MAGI2: variants seen among roughly 807,000 people sequenced by gnomAD.
The protein encoded by MAGI2 is membrane-associated guanylate kinase, WW and PDZ domain-containing protein 2.
Under a neutral mutation model 133.3 loss-of-function variants are expected in MAGI2, and 35 were observed. That is an observed-to-expected ratio of 0.26 (90% CI 0.20 to 0.35). The LOEUF (loss-of-function observed/expected upper bound fraction) is 0.35. MAGI2 is among the 10% of genes least tolerant of loss of function. The probability of loss-of-function intolerance (pLI) is 1.00; values close to 1 mark genes in which losing one functional copy is unlikely to be tolerated. For synonymous variants in MAGI2, 729 were observed against 710.6 expected, an observed-to-expected ratio of 1.03 and a Z score of -0.41; for missense variants, 1,636 against 1,863.4, an observed-to-expected ratio of 0.88 and a Z score of 2.25.
intron 6 of MAGI2, among the ~76,000 whole-genome samples, chr7:78,447,168 TTTTA>T (rs1429415274): frequency 6.6e-6 from 1 of 152,104 alleles, no homozygotes; most frequent in African/African-American, 2.4e-5. Flanking sequence ...ATGGATTTGT[TTTTA>T]TTTATTTACT....
At chr7:78,700,296 T>A (rs1440305809) in intron 2 of MAGI2, among the ~76,000 whole-genome samples, 1 of 152,154 alleles carries the variant, frequency 6.6e-6, no homozygotes, top group Non-Finnish European at 1.5e-5. Flanking sequence ...ATTGGAATTG[T>A]TATGAAACAT....
At chr7:78,666,991 T>G (rs1489086744) in intron 2 of MAGI2, among the ~76,000 whole-genome samples, 4 of 152,196 alleles carry the variant, frequency 2.6e-5, no homozygotes, top group Non-Finnish European at 5.9e-5. Flanking sequence ...GACTATATTT[T>G]AACTCATTGC....
At chr7:79,187,767 T>C (rs187832348) in intron 1 of MAGI2, among the ~76,000 whole-genome samples, 12 of 152,042 alleles carry the variant, frequency 7.9e-5, no homozygotes, top group Admixed American at 7.9e-4. Flanking sequence ...TGCATGGTTG[T>C]GTTTCACAGA....
At chr7:78,909,338 A>C (rs1301432946) in intron 2 of MAGI2, among the ~76,000 whole-genome samples, 1 of 151,682 alleles carries the variant, frequency 6.6e-6, no homozygotes, top group Non-Finnish European at 1.5e-5. Context: ...TCACGCCTGT[A>C]ATCCCAGCAC....
chr7:78,539,177 G>A (rs751339623), intron 3 of MAGI2, among the ~76,000 whole-genome samples: 4 of 152,168 alleles, frequency 2.6e-5, no homozygotes, highest in Non-Finnish European at 4.4e-5. Flanking sequence ...TTTATTACAA[G>A]GTATGTCCCT....
At chr7:78,241,251 C>A (rs1167279750) in intron 10 of MAGI2, among the ~76,000 whole-genome samples, 1 of 152,058 alleles carries the variant, frequency 6.6e-6, no homozygotes, top group Non-Finnish European at 1.5e-5. Context: ...TATAAAAACT[C>A]GCTACAATTA....
intron 1 of MAGI2, chr7:79,409,878 A>G (rs1846037743): frequency 6.6e-6 from 1 of 152,192 alleles, no homozygotes. Flanking sequence ...AAAGGATAAC[A>G]TTTCCAATAA....
chr7:78,389,360 T>A (rs901046507), intron 6 of MAGI2, among the ~76,000 whole-genome samples: 7 of 152,170 alleles, frequency 4.6e-5, no homozygotes, highest in Admixed American at 2.6e-4. Flanking sequence ...GGACTGCTAT[T>A]GAGTTCTGAA....
intron 1 of MAGI2, among the ~76,000 whole-genome samples, chr7:79,374,497 A>G (rs1229581854): frequency 6.6e-6 from 1 of 151,970 alleles, no homozygotes; most frequent in Non-Finnish European, 1.5e-5. Flanking sequence ...TTGCTTTTGG[A>G]CTTCTAGTCT....
chr7:78,824,155 T>A lies in MAGI2; in HGVS notation c.418+182935A>T, dbSNP rs543621062. The stretch of plus-strand genomic sequence containing the variant: ...TGTTACATATCTCTCTTAATGATGA[T>A]TGTGTAAATAAATATAAAACAACAC... On this transcript the variant is annotated intron_variant, in intron 2 of 21. Transcript: ENST00000354212. 2.0e-5 allele frequency among the ~76,000 whole-genome samples: 3 copies of A among 152,330 alleles called. No individual in the cohort carries two copies. In the South Asian group the frequency reaches 6.2e-4, roughly 32 times the overall value.
chr7:79,049,281 T>C (rs1244709488), intron 1 of MAGI2, among the ~76,000 whole-genome samples: 4 of 152,130 alleles, frequency 2.6e-5, no homozygotes, highest in Non-Finnish European at 5.9e-5. Flanking sequence ...TAAGACTTTT[T>C]TTTCCCCCTG....
chr7:79,118,061 G>A (rs926974224), intron 1 of MAGI2, among the ~76,000 whole-genome samples: 2 of 152,096 alleles, frequency 1.3e-5, no homozygotes, highest in Non-Finnish European at 2.9e-5. Flanking sequence ...TATTAAATGC[G>A]ATGCAAGTCC....
intron 6 of MAGI2, among the ~76,000 whole-genome samples, chr7:78,426,051 G>C (rs529836523): frequency 9.9e-5 from 15 of 152,204 alleles, no homozygotes; most frequent in Admixed American, 5.2e-4. Context: ...GAGCAGATGA[G>C]GACTTTAAAG....
At chr7:78,182,794 C>T (rs537625770) in intron 13 of MAGI2, among the ~76,000 whole-genome samples, 31 of 152,322 alleles carry the variant, frequency 2.0e-4, no homozygotes, top group Admixed American at 9.1e-4. Flanking sequence ...CTTTGGAAGT[C>T]GTTTCTGTGA....
rs531774587 is a variant in MAGI2 at position 79,003,140 on chromosome 7, A to G, written c.418+3950T>C. ...CAGGCTTCCTACCAAGGAGAGTGCA[A>G]GGACCAACTTGTCCACAACTAGATT... On this transcript the variant is annotated intron_variant, in intron 2 of 21. Transcript: ENST00000354212. 2.0e-5 allele frequency among the ~76,000 whole-genome samples: 3 copies of G among 152,082 alleles called. No homozygotes were observed. In the South Asian group the frequency reaches 6.2e-4, roughly 32 times the overall value.
chr7:79,018,252 TAAAG>T (rs1808936282), intron 1 of MAGI2, among the ~76,000 whole-genome samples: 1 of 151,970 alleles, frequency 6.6e-6, no homozygotes, highest in Admixed American at 6.6e-5. Flanking sequence ...TCAGCATTCT[TAAAG>T]AAAAGAATTT....
intron 6 of MAGI2, among the ~76,000 whole-genome samples, chr7:78,438,147 G>A (rs909312371): frequency 2.0e-5 from 3 of 152,104 alleles, no homozygotes; most frequent in East Asian, 1.9e-4. Context: ...CCACTGAAAC[G>A]TTTTTGAGAC....
chr7:79,263,803 A>T (rs192810690), intron 1 of MAGI2, among the ~76,000 whole-genome samples: 40 of 152,318 alleles, frequency 2.6e-4, no homozygotes, highest in African/African-American at 8.4e-4. Flanking sequence ...ACAAATAAAA[A>T]TTAATTGTAT....
intron 6 of MAGI2, among the ~76,000 whole-genome samples, chr7:78,479,174 A>G (rs1792097720): frequency 2.0e-5 from 3 of 151,904 alleles, no homozygotes; most frequent in African/African-American, 7.2e-5. Context: ...CAATCAATAC[A>G]ATTTCACAGT....
Sources: allele counts gnomAD v4.1 joint callset (sites outside exome capture counted in the v4.1 genomes callset), GRCh38; gene constraint gnomAD v4.1.1; transcripts MANE v1.5; gene names NCBI Gene and HGNC (gene_info 2026-07-23, HGNC 2026-07-21).